The following CACNA2D3 variants were observed in gnomAD, a reference collection of about 807,000 sequenced individuals.
The protein encoded by CACNA2D3 is calcium voltage-gated channel auxiliary subunit alpha2delta 3.
Under a neutral mutation model 160.6 loss-of-function variants are expected in CACNA2D3, and 60 were observed. The observed-to-expected ratio is 0.37, with a 90% CI of 0.30 to 0.46. The LOEUF (loss-of-function observed/expected upper bound fraction) is 0.46, where lower values mean the gene tolerates loss of function less well. Ranked by LOEUF, CACNA2D3 falls within the 20% of genes least tolerant of loss-of-function variation. The probability of loss-of-function intolerance (pLI) is 1.00; values close to 1 mark genes in which losing one functional copy is unlikely to be tolerated. For synonymous variants in CACNA2D3, 558 were observed against 492.9 expected (o/e 1.13, Z -1.75); for missense variants, 1,205 against 1,365.0 (o/e 0.88, Z 1.85).
At chr3:54,798,121 C>T (rs1478314590) in intron 13 of CACNA2D3, among the ~76,000 whole-genome samples, 1 of 152,208 alleles carries the variant, frequency 6.6e-6, no homozygotes, top group Admixed American at 6.5e-5. Flanking sequence ...TTAGAAAATT[C>T]ATAGCTTTGC....
At chr3:54,879,481 ACT>A (rs1331001959) in intron 20 of CACNA2D3, 70 bp downstream of exon 20, 15 of 1,106,476 alleles carry the variant, frequency 1.4e-5, no homozygotes, top group South Asian at 2.7e-5. Flanking sequence ...ACCTGCTGAC[ACT>A]CTCAGAGCTC....
intron 11 of CACNA2D3, among the ~76,000 whole-genome samples, chr3:54,748,678 T>A (rs921539110): frequency 6.6e-6 from 1 of 152,058 alleles, no homozygotes; most frequent in African/African-American, 2.4e-5. Flanking sequence ...CTCTGGTGTA[T>A]TCCAGAACTA....
intron 4 of CACNA2D3, among the ~76,000 whole-genome samples, chr3:54,393,005 C>CTGGATTT (rs1699308305): frequency 6.6e-6 from 1 of 152,150 alleles, no homozygotes; most frequent in African/African-American, 2.4e-5. Context: ...GAATAAACTG[C>CTGGATTT]TGGATTTTGA....
chr3:54,357,340 A>G (rs1012838202), intron 3 of CACNA2D3, among the ~76,000 whole-genome samples: 1 of 152,248 alleles, frequency 6.6e-6, no homozygotes, highest in African/African-American at 2.4e-5. Context: ...TTGGAACACA[A>G]CAAATACATT....
intron 4 of CACNA2D3, among the ~76,000 whole-genome samples, chr3:54,416,152 T>C (rs1227975428): frequency 6.6e-6 from 1 of 152,318 alleles, no homozygotes; most frequent in East Asian, 1.9e-4. Flanking sequence ...ACGTGTAATC[T>C]TTTAAAATAC....
At chr3:54,736,377 A>G (rs1701532866) in intron 11 of CACNA2D3, among the ~76,000 whole-genome samples, 1 of 151,988 alleles carries the variant, frequency 6.6e-6, no homozygotes, top group Admixed American at 6.6e-5. Flanking sequence ...GTACTGCAAC[A>G]TAAATTCTTT....
At chr3:54,515,253 C>T (rs895436302) in intron 5 of CACNA2D3, among the ~76,000 whole-genome samples, 1 of 151,360 alleles carries the variant, frequency 6.6e-6, no homozygotes, top group Non-Finnish European at 1.5e-5. Context: ...GTTGTATATG[C>T]AGAAGATTTC....
intron 11 of CACNA2D3, among the ~76,000 whole-genome samples, chr3:54,708,785 C>G (rs1462728095): frequency 6.6e-6 from 1 of 152,224 alleles, no homozygotes; most frequent in Non-Finnish European, 1.5e-5. Flanking sequence ...CAAGCCTTGA[C>G]AGTCTTTTAG....
At chr3:54,600,144 C>T (rs997215043) in intron 9 of CACNA2D3, among the ~76,000 whole-genome samples, 19 of 152,188 alleles carry the variant, frequency 1.2e-4, no homozygotes, top group African/African-American at 4.1e-4. Flanking sequence ...GTGTTCGACG[C>T]ACCTTCATGG....
At chr3:54,541,603 AT>A in intron 5 of CACNA2D3, among the ~76,000 whole-genome samples, 1 of 152,306 alleles carries the variant, frequency 6.6e-6, no homozygotes, top group South Asian at 2.1e-4. Flanking sequence ...TTGGACACTT[AT>A]TTAGACATGC....
chr3:54,307,880 A>AG (rs1703648604), intron 2 of CACNA2D3, among the ~76,000 whole-genome samples: 1 of 152,208 alleles, frequency 6.6e-6, no homozygotes, highest in Admixed American at 6.5e-5. Flanking sequence ...GTGCTAGAGA[A>AG]GGTCATTGAT....
intron 2 of CACNA2D3, among the ~76,000 whole-genome samples, chr3:54,258,287 T>C (rs780019752): frequency 1.4e-4 from 21 of 152,240 alleles, no homozygotes; most frequent in Non-Finnish European, 2.6e-4. Flanking sequence ...AAATTCCATA[T>C]CCAACCAGTA....
rs139722160 is a variant in CACNA2D3 at position 54,969,261 on chromosome 3, A to AT, written c.2512-539_2512-538insT. ...ACTGTTTAATGACAACATAAAGTAGACTTTTTTTTTTTTTTTTTGAGATAG... is the reference window on the plus strand; with the variant it reads ...ACTGTTTAATGACAACATAAAGTAGATCTTTTTTTTTTTTTTTTTGAGATAG... On this transcript the variant is annotated intron_variant, in intron 28 of 37. Transcript: ENST00000474759. Among the ~76,000 whole-genome samples, 12 of 127,830 alleles carry AT rather than the reference A, an allele frequency of 9.4e-5. 1 individual carries two copies. The highest frequency in any genetic ancestry group is 3.0e-4 in the African/African-American group (11 of 36,206). The allele number at this position is 127,830 out of a possible 152,430, so 83.9% of individuals were successfully genotyped here. A position where few individuals can be genotyped will look rare whatever the true frequency, so the allele number is the denominator to read the frequency against.
chr3:54,571,052 A>G (rs1702488193), intron 8 of CACNA2D3, among the ~76,000 whole-genome samples: 1 of 152,110 alleles, frequency 6.6e-6, no homozygotes, highest in South Asian at 2.1e-4. Context: ...AAATACATTT[A>G]AGAAATACAT....
At chr3:54,123,945 G>A (rs1189221990) in intron 2 of CACNA2D3, among the ~76,000 whole-genome samples, 1 of 152,172 alleles carries the variant, frequency 6.6e-6, no homozygotes, top group Non-Finnish European at 1.5e-5. Flanking sequence ...CATCCAAGGG[G>A]CAGACTCAGT....
At chr3:54,917,855 A>G (rs1389898431) in intron 27 of CACNA2D3, among the ~76,000 whole-genome samples, 1 of 152,170 alleles carries the variant, frequency 6.6e-6, no homozygotes, top group African/African-American at 2.4e-5. Flanking sequence ...GAAAGCCCCA[A>G]ATGGTTTTCT....
chr3:54,933,051 CCCTTCCTTCCTTCCTTCCTT>C (rs60554563), intron 27 of CACNA2D3, among the ~76,000 whole-genome samples: 10,445 of 139,436 alleles, frequency 0.075, 535 homozygotes, highest in East Asian at 0.14. Context: ...ATCCATCCCT[CCCTTCCTTCCTTCCTTCCTT>C]CCTTCCTTCC....
At chr3:54,384,539 A>G (rs1027867242) in intron 3 of CACNA2D3, among the ~76,000 whole-genome samples, 1 of 152,192 alleles carries the variant, frequency 6.6e-6, no homozygotes, top group Non-Finnish European at 1.5e-5. Flanking sequence ...TTCAAGCTTC[A>G]TTGACTAGGA....
At chr3:54,538,477 A>T (rs139849629) in intron 5 of CACNA2D3, among the ~76,000 whole-genome samples, 2 of 152,178 alleles carry the variant, frequency 1.3e-5, no homozygotes, top group Non-Finnish European at 2.9e-5. Flanking sequence ...AAGAGAAGAC[A>T]GAGAGCACCC....
Sources: gnomAD v4.1 joint callset for allele counts (sites outside exome capture counted in the v4.1 genomes callset) on GRCh38, gnomAD v4.1.1 for gene constraint, MANE v1.5 for transcripts, NCBI Gene and HGNC (gene_info 2026-07-23, HGNC 2026-07-21) for gene names.